REC114: variants seen among roughly 807,000 people sequenced by gnomAD.
REC114 encodes meiotic recombination protein REC114.
In REC114, 27 loss-of-function variants were observed where a neutral mutation model predicts 31.3. That is an observed-to-expected ratio of 0.86 (90% CI 0.64 to 1.19). REC114 has a LOEUF of 1.19. REC114 is among the 50% of genes most tolerant of loss of function. REC114 has a pLI of 0.00. For synonymous variants in REC114, 134 were observed against 127.7 expected, an observed-to-expected ratio of 1.05 and a Z score of -0.33; for missense variants, 344 against 326.9, an observed-to-expected ratio of 1.05 and a Z score of -0.40.
chr15:73,542,981 G>A (rs1037242070), intron 3 of REC114, among the ~76,000 whole-genome samples: 4 of 146,712 alleles, frequency 2.7e-5, no homozygotes, highest in African/African-American at 7.6e-5. Context: ...TTGCCCTCCC[G>A]ATAGGTTGTC....
chr15:73,558,910 C>G (rs1894521690), intron 5 of REC114, among the ~76,000 whole-genome samples: 1 of 152,170 alleles, frequency 6.6e-6, no homozygotes, highest in Non-Finnish European at 1.5e-5. Flanking sequence ...TGTCCTTCAA[C>G]TGGAGCACAG....
At chr15:73,513,063 C>T (rs1039726115) in intron 2 of REC114, among the ~76,000 whole-genome samples, 2 of 149,664 alleles carry the variant, frequency 1.3e-5, no homozygotes, top group Admixed American at 1.3e-4. Context: ...TCCATTCTCC[C>T]CATCACTTTC....
chr15:73,542,687 C>A (rs1390139483), intron 3 of REC114, among the ~76,000 whole-genome samples: 3 of 152,124 alleles, frequency 2.0e-5, no homozygotes, highest in African/African-American at 7.2e-5. Flanking sequence ...TTGGCTTGTG[C>A]TAATTGAGTG....
chr15:73,553,827 G>A (rs1231309807), intron 4 of REC114, among the ~76,000 whole-genome samples: 1 of 152,116 alleles, frequency 6.6e-6, no homozygotes, highest in Non-Finnish European at 1.5e-5. Context: ...AACTGTAATT[G>A]GGTGATTTGA....
chr15:73,508,219 G>A (rs947013156), intron 2 of REC114, among the ~76,000 whole-genome samples: 1 of 152,064 alleles, frequency 6.6e-6, no homozygotes, highest in Non-Finnish European at 1.5e-5. Flanking sequence ...TAAATAGATA[G>A]TAATCAAAGG....
In REC114 at chr15:73,507,657, A is replaced by G. The variant is rs2141312398; in HGVS notation, c.250-32828A>G. On this transcript the variant is annotated intron_variant, in intron 2 of 5. Coordinates refer to ENST00000331090, the MANE Select transcript of REC114 (RefSeq NM_001042367.2). ...TATATGGGTACACATGTATGTGTAC[A>G]TGTACGTACACATATATAGTGTTTT... Among the ~76,000 whole-genome samples the G allele has an allele frequency of 1.3e-5, 2 of 152,308 alleles. 1 individual carries two copies. The highest frequency in any genetic ancestry group is 4.1e-4 in the South Asian group (2 of 4,830).
chr15:73,549,845 C>T (rs1234218094), intron 3 of REC114, among the ~76,000 whole-genome samples: 1 of 152,162 alleles, frequency 6.6e-6, no homozygotes, highest in Non-Finnish European at 1.5e-5. Context: ...TTACCATTAT[C>T]TCAGCCATGC....
intron 4 of REC114, among the ~76,000 whole-genome samples, chr15:73,554,938 A>G (rs1173249549): frequency 6.6e-6 from 1 of 152,258 alleles, no homozygotes; most frequent in Non-Finnish European, 1.5e-5. Context: ...CCTTGTTTTT[A>G]CAGAGGAGAA....
In REC114 at chr15:73,559,270, C is replaced by A. The variant is rs12324021; in HGVS notation, c.637-482C>A. 4.4e-3 allele frequency among the ~76,000 whole-genome samples: 671 copies of A among 152,284 alleles called. 3 individuals carry two copies. Among genetic ancestry groups the A allele is most frequent in the African/African-American group, 0.015 (639 of 41,574 alleles). On this transcript the variant is annotated intron_variant, in intron 5 of 5. Transcript: ENST00000331090. Reference sequence around the variant, plus strand: ...ACTCACAGATGGCCAGAAAAAGATGCGTGTGAACTAATGTCCTTTGGGAGT... The same window carrying A: ...ACTCACAGATGGCCAGAAAAAGATGAGTGTGAACTAATGTCCTTTGGGAGT...
At chr15:73,500,909 G>A (rs1893596214) in intron 2 of REC114, among the ~76,000 whole-genome samples, 1 of 151,966 alleles carries the variant, frequency 6.6e-6, no homozygotes, top group African/African-American at 2.4e-5. Flanking sequence ...CCAGGATATG[G>A]ACCAGCCTGT....
At chr15:73,477,960 C>T (rs1449079299) in intron 2 of REC114, among the ~76,000 whole-genome samples, 2 of 152,022 alleles carry the variant, frequency 1.3e-5, no homozygotes, top group African/African-American at 4.8e-5. Flanking sequence ...TATATGGTGA[C>T]AGTTAAGAAT....
intron 4 of REC114, among the ~76,000 whole-genome samples, chr15:73,551,457 TAAAG>T (rs1393748941): frequency 1.3e-5 from 2 of 152,130 alleles, no homozygotes; most frequent in African/African-American, 4.8e-5. Flanking sequence ...TCTTAATATT[TAAAG>T]AAAGAGTATC....
At chr15:73,459,245 T>C (rs1452756078) in intron 1 of REC114, among the ~76,000 whole-genome samples, 3 of 151,992 alleles carry the variant, frequency 2.0e-5, no homozygotes, top group East Asian at 3.9e-4. Flanking sequence ...TTTTTTTTTT[T>C]TGGAGACAGA....
At chr15:73,518,428 G>C (rs1893891800) in intron 2 of REC114, among the ~76,000 whole-genome samples, 1 of 152,192 alleles carries the variant, frequency 6.6e-6, no homozygotes, top group Non-Finnish European at 1.5e-5. Flanking sequence ...AGGCTTTTCT[G>C]ATCCTTACAA....
chr15:73,452,541 T>C (rs1019048584), intron 1 of REC114, among the ~76,000 whole-genome samples: 2 of 152,146 alleles, frequency 1.3e-5, no homozygotes, highest in South Asian at 4.1e-4. Context: ...ATCAATATCA[T>C]GAAAATGGCC....
At chr15:73,514,264 C>G (rs963758735) in intron 2 of REC114, among the ~76,000 whole-genome samples, 1 of 151,528 alleles carries the variant, frequency 6.6e-6, no homozygotes, top group Non-Finnish European at 1.5e-5. Flanking sequence ...TGACCCCTTG[C>G]GCTTCCCAGG....
chr15:73,477,766 T>G (rs959235320), intron 2 of REC114, among the ~76,000 whole-genome samples: 1 of 152,154 alleles, frequency 6.6e-6, no homozygotes, highest in African/African-American at 2.4e-5. Flanking sequence ...TGCTTTCAGC[T>G]CTTATATTTA....
chr15:73,491,110 G>C (rs1893435573), intron 2 of REC114, among the ~76,000 whole-genome samples: 1 of 133,714 alleles, frequency 7.5e-6, no homozygotes, highest in Non-Finnish European at 1.6e-5. Context: ...GGATATTTGG[G>C]CTATTTCCAG....
At chr15:73,470,492 C>T (rs922864726) in intron 1 of REC114, among the ~76,000 whole-genome samples, 1 of 152,114 alleles carries the variant, frequency 6.6e-6, no homozygotes, top group Non-Finnish European at 1.5e-5. Flanking sequence ...GAAAATTTTG[C>T]ATCTTAATAT....
Sources: allele counts gnomAD v4.1 joint callset (sites outside exome capture counted in the v4.1 genomes callset), GRCh38; gene constraint gnomAD v4.1.1; transcripts MANE v1.5; gene names NCBI Gene and HGNC (gene_info 2026-07-23, HGNC 2026-07-21).